TTC23L: variants seen among roughly 807,000 people sequenced by gnomAD.
The protein encoded by TTC23L is tetratricopeptide repeat domain 23 like.
In TTC23L, 42 loss-of-function variants were observed where a neutral mutation model predicts 48.1. The observed-to-expected ratio is 0.87, with a 90% CI of 0.68 to 1.13. The LOEUF (loss-of-function observed/expected upper bound fraction) is 1.13, where lower values mean the gene tolerates loss of function less well. Ranked by LOEUF, TTC23L falls within the 50% of genes most tolerant of loss-of-function variation. The pLI is 0.00. For missense variants in TTC23L, 391 were observed against 421.0 expected (o/e 0.93, Z 0.62); for synonymous variants, 159 against 157.2 (o/e 1.01, Z -0.09).
exon 10 of TTC23L, chr5:34,896,862 T>C (rs1489617490): frequency 2.8e-6 from 2 of 723,370 alleles, no homozygotes; most frequent in Non-Finnish European, 5.2e-6. Context: ...CAGAGGGCAG[T>C]GTATGGAGGA....
chr5:34,896,209 G>C (rs1366935490), intron 9 of TTC23L, among the ~76,000 whole-genome samples: 2 of 152,196 alleles, frequency 1.3e-5, no homozygotes, highest in Non-Finnish European at 2.9e-5. Context: ...GCAGTGGGGA[G>C]CTCTGCAATC....
the TTC23L span, chr5:34,922,820 G>T: frequency 2.0e-6 from 3 of 1,496,656 alleles, no homozygotes; most frequent in Non-Finnish European, 9.3e-7. Context: ...TGGCATGGTT[G>T]TTTTTAGTAG....
chr5:34,891,043 G>C (rs140675251), intron 9 of TTC23L, among the ~76,000 whole-genome samples: 185 of 152,274 alleles, frequency 1.2e-3, no homozygotes, highest in African/African-American at 4.3e-3. Flanking sequence ...TTAATGAGAT[G>C]ATAAATAATA....
At chr5:34,916,805 T>G in the TTC23L span, 1 of 152,238 alleles carries the variant, frequency 6.6e-6, no homozygotes, top group African/African-American at 2.4e-5. Context: ...GAAAGATAAG[T>G]GTAAATTCTA....
At chr5:34,900,720 A>G (rs575583326), downstream of TTC23L, among the ~76,000 whole-genome samples, 12 of 152,298 alleles carry the variant, frequency 7.9e-5, no homozygotes, top group East Asian at 1.5e-3. Context: ...CACTAGTGGC[A>G]CTTCATATGG....
At chr5:34,856,080 C>G (rs1252569214) in intron 4 of TTC23L, among the ~76,000 whole-genome samples, 2 of 152,102 alleles carry the variant, frequency 1.3e-5, no homozygotes, top group Admixed American at 6.5e-5. Context: ...CCAAAGATGA[C>G]CATGATGTTT....
At chr5:34,873,806 TGA>T (rs374907076) in intron 8 of TTC23L, among the ~76,000 whole-genome samples, 119 of 152,238 alleles carry the variant, frequency 7.8e-4, no homozygotes, top group African/African-American at 2.8e-3. Context: ...TTGAAATGTG[TGA>T]GAGCTTGGAA....
intron 8 of TTC23L, among the ~76,000 whole-genome samples, chr5:34,877,514 T>C (rs1455769157): frequency 6.6e-6 from 1 of 151,984 alleles, no homozygotes; most frequent in Non-Finnish European, 1.5e-5. Flanking sequence ...ATCTCTGCCT[T>C]CTGGGCTCAA....
chr5:34,866,133 A>T (rs996073189), intron 6 of TTC23L, among the ~76,000 whole-genome samples: 14 of 152,178 alleles, frequency 9.2e-5, no homozygotes, highest in Non-Finnish European at 1.3e-4. Flanking sequence ...ATCCTCATTT[A>T]AAAAAATTAT....
At chr5:34,891,088 G>C (rs1045417903) in intron 9 of TTC23L, among the ~76,000 whole-genome samples, 1 of 152,168 alleles carries the variant, frequency 6.6e-6, no homozygotes, top group Non-Finnish European at 1.5e-5. Context: ...GGTCTTAGCA[G>C]GTCTTAAATG....
At position 34,840,125 on chromosome 5, in the gene TTC23L, C is replaced by A. The variant is rs371583489; in HGVS notation, c.-7-540C>A. 1.2e-4 allele frequency among the ~76,000 whole-genome samples: 18 copies of A among 150,482 alleles called. No individual in the cohort carries two copies. In the South Asian group the frequency reaches 2.5e-3, roughly 21 times the overall value. ...CAGGCTGGTCTCGAACTCCTGAACTCGGGTGATCCACCCGCCTCGGCTTCC... is the reference window on the plus strand; with the variant it reads ...CAGGCTGGTCTCGAACTCCTGAACTAGGGTGATCCACCCGCCTCGGCTTCC... On this transcript the variant is annotated intron_variant, in intron 1 of 10. Coordinates refer to ENST00000505624, the Ensembl canonical transcript of TTC23L.
exon 7 of TTC23L, chr5:34,866,902 G>T: frequency 1.3e-6 from 2 of 1,597,592 alleles, no homozygotes; most frequent in Non-Finnish European, 1.7e-6. Flanking sequence ...AGCCTCCTTG[G>T]CCATCCACAG....
the TTC23L span, chr5:34,906,891 C>T: frequency 1.3e-5 from 2 of 152,030 alleles, no homozygotes; most frequent in African/African-American, 2.4e-5. Context: ...TCCCAAGTAT[C>T]TTTTAGGTTT....
At chr5:34,910,575 G>A in the TTC23L span, among the ~76,000 whole-genome samples, 7 of 151,856 alleles carry the variant, frequency 4.6e-5, no homozygotes, top group Non-Finnish European at 8.8e-5. Flanking sequence ...TTATAGGCAC[G>A]TGCCACCACG....
At chr5:34,924,367 TTTG>T in the TTC23L span, among the ~76,000 whole-genome samples, 1 of 152,302 alleles carries the variant, frequency 6.6e-6, no homozygotes, top group South Asian at 2.1e-4. Flanking sequence ...AACATAAATA[TTTG>T]TTGTTCGGAA....
At chr5:34,908,762 T>C in the TTC23L span, 5 of 1,592,992 alleles carry the variant, frequency 3.1e-6, no homozygotes, top group African/African-American at 2.7e-5. Context: ...TGAATTGTCA[T>C]ACTCAAGACT....
At chr5:34,864,440 CAGAGAA>C in exon 6 of TTC23L, 3 of 1,613,400 alleles carry the variant, frequency 1.9e-6, no homozygotes, top group Non-Finnish European at 2.5e-6. Context: ...ATTTCACTGG[CAGAGAA>C]GCCTATTTCA....
intron 9 of TTC23L, chr5:34,888,412 GCTAT>G (rs1362311686): frequency 1.1e-6 from 1 of 923,104 alleles, no homozygotes; most frequent in Non-Finnish European, 1.3e-6. Flanking sequence ...TAAGGTGCTT[GCTAT>G]CTGATTCTCT....
chr5:34,841,797 A>C (rs865931019), intron 2 of TTC23L, among the ~76,000 whole-genome samples: 1 of 152,206 alleles, frequency 6.6e-6, no homozygotes, highest in South Asian at 2.1e-4. Context: ...GATTACAGGC[A>C]TGAGCCACTG....
Sources: allele counts gnomAD v4.1 joint callset (sites outside exome capture counted in the v4.1 genomes callset), GRCh38; gene constraint gnomAD v4.1.1; transcripts MANE v1.5; gene names NCBI Gene and HGNC (gene_info 2026-07-23, HGNC 2026-07-21).